The following RNF213 variants were observed in gnomAD, a reference collection of about 807,000 sequenced individuals.
RNF213 encodes the protein E3 ubiquitin-protein ligase RNF213.
A neutral mutation model predicts 514.4 loss-of-function variants in RNF213; 341 were observed. The ratio of observed to expected loss-of-function variants is 0.66; its 90% confidence interval spans 0.61 to 0.73. The LOEUF (loss-of-function observed/expected upper bound fraction) is 0.73. Ranked by LOEUF, RNF213 falls within the 30% of genes least tolerant of loss-of-function variation. The probability of loss-of-function intolerance (pLI) is 0.00; values close to 1 mark genes in which losing one functional copy is unlikely to be tolerated. For synonymous variants in RNF213, 2,655 were observed against 2,658.2 expected (o/e 1.00, Z 0.04); for missense variants, 5,767 against 6,615.6 (o/e 0.87, Z 4.45).
intron 18 of RNF213, among the ~76,000 whole-genome samples, 164 bp downstream of exon 18, chr17:80,325,362 T>A (rs1052648972): frequency 1.2e-4 from 18 of 152,150 alleles, no homozygotes; most frequent in African/African-American, 4.1e-4. Context: ...AGGCTCAGAG[T>A]GTCTTGCGTT....
chr17:80,263,660 C>G lies in RNF213; in HGVS notation c.-22C>G, dbSNP rs777734027. The G allele has an allele frequency of 2.5e-6, 4 of 1,606,308 alleles. No homozygotes were observed. The highest frequency in any genetic ancestry group is 2.6e-6 in the Non-Finnish European group (3 of 1,172,922). On this transcript the variant is annotated 5_prime_UTR_variant, in exon 2 of 68. Coordinates refer to ENST00000582970, the MANE Select transcript of RNF213 (RefSeq NM_001256071.3). The surrounding 1 kb of genome is among the most constrained non-coding windows in gnomAD (Gnocchi z 4.9). ...ACTCCTGCTCTTGCTTCTGGATCTG[C>G]AGGGCAGTCCCAGCAGGACCCATGG...
Position 80,317,049 on chromosome 17 carries a change from G to T in RNF213, c.2812-139G>T. ...GCCACTAGCATGGCTGACTGTTGATGAAGGTTGGGGAGAGCCCTGGTGTTC... is the reference window on the plus strand; with the variant it reads ...GCCACTAGCATGGCTGACTGTTGATTAAGGTTGGGGAGAGCCCTGGTGTTC... On this transcript the variant is annotated intron_variant, in intron 15 of 67. Coordinates refer to ENST00000582970, the MANE Select transcript of RNF213 (RefSeq NM_001256071.3). The surrounding 1 kb of genome is among the most constrained non-coding windows in gnomAD (Gnocchi z 4.1). The T allele has an allele frequency of 1.1e-6, 1 of 948,836 alleles. No homozygotes were observed. Among genetic ancestry groups the T allele is most frequent in the Non-Finnish European group, 1.7e-6 (1 of 601,896 alleles). 58.8% of individuals were successfully genotyped at this position (948,836 alleles called of 1,614,324 possible).
chr17:80,284,820 G>A (rs574962686), intron 3 of RNF213, among the ~76,000 whole-genome samples: 46 of 152,250 alleles, frequency 3.0e-4, no homozygotes, highest in South Asian at 2.9e-3. Context: ...ACAAGACAGC[G>A]CCTCCTCTGG....
intron 2 of RNF213, among the ~76,000 whole-genome samples, chr17:80,268,668 T>C (rs923820033): frequency 6.6e-6 from 1 of 152,048 alleles, no homozygotes; most frequent in Non-Finnish European, 1.5e-5. Context: ...TCATCTGTCT[T>C]CTATCAATTA....
Position 80,337,671 on chromosome 17 carries a change from C to T in RNF213, c.4613C>T (p.Thr1538Met), listed in dbSNP as rs1312277001. 1.2e-5 allele frequency: 19 copies of T among 1,537,278 alleles called. No individual in the cohort carries two copies. Among genetic ancestry groups the T allele is most frequent in the Non-Finnish European group, 1.6e-5 (18 of 1,146,930 alleles). Reference sequence around the variant, plus strand: ...GAACGCTCATCCCTGACCCTGGCCACGGCCATCAACCAAAGAGGCATCTAT... The same window carrying T: ...GAACGCTCATCCCTGACCCTGGCCATGGCCATCAACCAAAGAGGCATCTAT... ...SVERSSLTLATAINQRGIYVI... is the reference protein window; with the variant it reads ...SVERSSLTLAMAINQRGIYVI... Residue 1538 changes from threonine to methionine, a missense_variant, in exon 24 of 68, where the codon ACG becomes ATG. By Grantham distance (81) the Thr-to-Met change is moderately conservative. Coordinates refer to ENST00000582970, the MANE Select transcript of RNF213 (RefSeq NM_001256071.3).
At chr17:80,358,038 T>C (rs1323456217) in intron 36 of RNF213, among the ~76,000 whole-genome samples, 9 of 152,204 alleles carry the variant, frequency 5.9e-5, no homozygotes, top group Admixed American at 5.9e-4. Flanking sequence ...TCCAGTAACC[T>C]AATGACAGTT....
chr17:80,263,907 T>C lies in RNF213; in HGVS notation c.97+129T>C. The C allele has an allele frequency of 1.4e-6, 1 of 712,978 alleles. No individual in the cohort carries two copies. The highest frequency in any genetic ancestry group is 1.6e-5 in the South Asian group (1 of 64,198). 44.2% of individuals were successfully genotyped at this position (712,978 alleles called of 1,614,324 possible). A position where few individuals can be genotyped will look rare whatever the true frequency, so the allele number is the denominator to read the frequency against. ...TGGGGCCGAGGTCCTCTGTGGCTAC[T>C]GAGGCTCTGTGGCTCTGAATAGCCA... On this transcript the variant is annotated intron_variant, in intron 2 of 67. Coordinates refer to ENST00000582970, the MANE Select transcript of RNF213 (RefSeq NM_001256071.3). The surrounding 1 kb of genome is among the most constrained non-coding windows in gnomAD (Gnocchi z 4.9).
chr17:80,294,734 T>C lies in RNF213; in HGVS notation c.1486T>C (p.Tyr496His). 1 of 1,614,084 alleles carries C rather than the reference T, an allele frequency of 6.2e-7. No homozygotes were observed. Among genetic ancestry groups the C allele is most frequent in the East Asian group, 2.2e-5 (1 of 44,886 alleles). The change falls in exon 9 of 68, where the codon TAT (tyrosine) becomes CAT (histidine). Residue 496 changes from tyrosine (Y) to histidine (H), a missense_variant. By Grantham distance (83) the Tyr-to-His change is moderately conservative (BLOSUM62 2). Transcript: ENST00000582970. ...GTCCCTCTTAGACTGGCATCAGTAC[T>C]ATGACATAGTTTATATGAAGCCTCA... ...LLGSGDWHQY[Y>H]DIVYMKPHGR...
Position 80,300,628 on chromosome 17 carries a change from A to G in RNF213, c.2210+2110A>G, listed in dbSNP as rs187225420. 2.6e-5 allele frequency among the ~76,000 whole-genome samples: 4 copies of G among 152,060 alleles called. No individual in the cohort carries two copies. The East Asian group carries it at 7.8e-4, about 29-fold the overall frequency. ...GATTGCAGTGGCACAATCTCAGCTC[A>G]CTGTAACCTCTGCCTCCCAGGTTCA... On this transcript the variant is annotated intron_variant, in intron 11 of 67. Coordinates refer to ENST00000582970, the MANE Select transcript of RNF213 (RefSeq NM_001256071.3).
chr17:80,360,128 A>C lies in RNF213; in HGVS notation c.11122A>C (p.Asn3708His). 1 of 1,614,152 alleles carries C rather than the reference A, an allele frequency of 6.2e-7. No homozygotes were observed. Among genetic ancestry groups the C allele is most frequent in the Non-Finnish European group, 8.5e-7 (1 of 1,180,016 alleles). Residue 3708 changes from asparagine to histidine, a missense_variant, in exon 38 of 68, where the codon AAC (asparagine) becomes CAC (histidine). Physicochemically the swap from Asn to His is moderately conservative, Grantham distance 68. Coordinates refer to ENST00000582970, the MANE Select transcript of RNF213 (RefSeq NM_001256071.3). ...HMNLSENASN[N>H]VPFSWKIKDY... ...GAACCTTTCCGAGAACGCTTCCAACAACGTCCCTTTCAGCTGGAAAATCAA... is the reference window on the plus strand; with the variant it reads ...GAACCTTTCCGAGAACGCTTCCAACCACGTCCCTTTCAGCTGGAAAATCAA...
chr17:80,347,601 G>A lies in RNF213; in HGVS notation c.9266G>A (p.Arg3089His), dbSNP rs762428250. 11 of 1,613,998 alleles carry A rather than the reference G, an allele frequency of 6.8e-6. No individual in the cohort carries two copies. Among genetic ancestry groups the A allele is most frequent in the South Asian group, 5.5e-5 (5 of 91,088 alleles). The part of the protein sequence containing the change: ...EYTQLCRNIN[R>H]VKICMETGKM... The stretch of plus-strand genomic sequence containing the variant: ...ACCCAGCTCTGCAGAAACATCAATC[G>A]TGTGAAGATCTGCATGGAAACAGGC... Residue 3089 changes from arginine (R) to histidine (H), a missense_variant, in exon 29 of 68, where the codon CGT (arginine) becomes CAT (histidine). Around this residue, in one of 13 missense-constraint regions of RNF213, gnomAD observed 919 missense variants for 1,121.0 expected, o/e 0.82. Coordinates refer to ENST00000582970, the MANE Select transcript of RNF213 (RefSeq NM_001256071.3). The surrounding 1 kb of genome is among the most constrained non-coding windows in gnomAD (Gnocchi z 7.2).
At chr17:80,373,301 C>T in intron 49 of RNF213, 136 bp downstream of exon 49, 1 of 656,824 alleles carries the variant, frequency 1.5e-6, no homozygotes, top group Non-Finnish European at 2.7e-6. Flanking sequence ...CACATACCCT[C>T]ATACCCCCAC....
At position 80,264,965 on chromosome 17, in the gene RNF213, C is replaced by T. The variant is rs1462282968; in HGVS notation, c.97+1187C>T. Among the ~76,000 whole-genome samples, 1 of 152,000 alleles carries T rather than the reference C, an allele frequency of 6.6e-6. No homozygotes were observed. The highest frequency in any genetic ancestry group is 1.5e-5 in the Non-Finnish European group (1 of 68,012). Reference sequence around the variant, plus strand: ...GGCTCCCTCCTTCCCCTCTTTCAGTCTTTGCCCAGCTGCTCGCCATGGGGT... The same window carrying T: ...GGCTCCCTCCTTCCCCTCTTTCAGTTTTTGCCCAGCTGCTCGCCATGGGGT... On this transcript the variant is annotated intron_variant, in intron 2 of 67. Transcript: ENST00000582970. This position sits in a 1 kb window ranked among gnomAD's most constrained non-coding sequence, Gnocchi z 5.0.
Position 80,373,827 on chromosome 17 carries a change from T to C in RNF213, c.12943-631T>C, listed in dbSNP as rs569778987. Among the ~76,000 whole-genome samples, 234 of 151,946 alleles carry C rather than the reference T, an allele frequency of 1.5e-3. 3 individuals are homozygous for C. The highest frequency in any genetic ancestry group is 2.6e-3 in the Non-Finnish European group (177 of 67,938). On this transcript the variant is annotated intron_variant, in intron 49 of 67. Transcript: ENST00000582970. ...CCAGCCTGGCCAACATGGTGAAACCTTGTCTCTACTTCAAAGAAAAAAAAA... is the reference window on the plus strand; with the variant it reads ...CCAGCCTGGCCAACATGGTGAAACCCTGTCTCTACTTCAAAGAAAAAAAAA...
chr17:80,286,778 A>G (rs1237683606), intron 3 of RNF213, among the ~76,000 whole-genome samples: 1 of 151,724 alleles, frequency 6.6e-6, no homozygotes, highest in African/African-American at 2.4e-5. Flanking sequence ...TCTACAAGTC[A>G]CTTTCCTGTA....
chr17:80,345,246 C>A lies in RNF213; in HGVS notation c.6911C>A (p.Pro2304Gln). Residue 2304 changes from proline (P) to glutamine (Q), a missense_variant, in exon 29 of 68, where the codon CCA (proline) becomes CAA (glutamine). This residue lies in a region of RNF213 where 1,377 missense variants were observed against 1,635.2 expected (regional missense o/e 0.84). Coordinates refer to ENST00000582970, the MANE Select transcript of RNF213 (RefSeq NM_001256071.3). This position sits in a 1 kb window ranked among gnomAD's most constrained non-coding sequence, Gnocchi z 6.0. The part of the protein sequence containing the change: ...LRKRWESEPH[P>Q]YVFFNDDHTT... ...AAGAGGTGGGAGTCGGAGCCTCACC[C>A]ATACGTTTTCTTCAATGACGACCAC... The A allele has an allele frequency of 6.2e-7, 1 of 1,614,120 alleles. No homozygotes were observed. The highest frequency in any genetic ancestry group is 8.5e-7 in the Non-Finnish European group (1 of 1,180,024).
intron 3 of RNF213, among the ~76,000 whole-genome samples, chr17:80,275,469 G>C (rs2044020351): frequency 1.3e-5 from 2 of 151,846 alleles, no homozygotes; most frequent in African/African-American, 4.8e-5. Context: ...TGAGTTACTT[G>C]GGGGAATAAA....
At chr17:80,321,342 G>A (rs896925066) in intron 17 of RNF213, 1 of 152,142 alleles carries the variant, frequency 6.6e-6, no homozygotes, top group African/African-American at 2.4e-5. Context: ...TGGATTTGGG[G>A]ATTAGGAATG....
chr17:80,273,177 T>G, intron 2 of RNF213, 64 bp from the exon 3 acceptor site: 1 of 1,601,648 alleles, frequency 6.2e-7, no homozygotes. Context: ...GGAGGATTTC[T>G]GTTTTTCCTT....
Sources: gnomAD v4.1 joint callset for allele counts (sites outside exome capture counted in the v4.1 genomes callset) on GRCh38, gnomAD v4.1.1 for gene constraint, gnomAD v4.1.1 regional missense constraint, Gnocchi (gnomAD v3.1) non-coding constraint, MANE v1.5 for transcripts, NCBI Gene and HGNC (gene_info 2026-07-23, HGNC 2026-07-21) for gene names.